PRKG2: variants seen among roughly 807,000 people sequenced by gnomAD.
The protein encoded by PRKG2 is cGMP-dependent protein kinase 2.
A neutral mutation model predicts 97.2 loss-of-function variants in PRKG2; 33 were observed. That is an observed-to-expected ratio of 0.34 (90% CI 0.26 to 0.45). The LOEUF (loss-of-function observed/expected upper bound fraction) is 0.45, where lower values mean the gene tolerates loss of function less well. Ranked by LOEUF, PRKG2 falls within the 20% of genes least tolerant of loss-of-function variation. The pLI is 1.00. For synonymous variants in PRKG2, 330 were observed against 321.8 expected (o/e 1.03, Z -0.27); for missense variants, 638 against 900.0 (o/e 0.71, Z 3.73).
chr4:81,200,703 A>AG (rs1229810047), intron 2 of PRKG2, among the ~76,000 whole-genome samples: 1 of 152,168 alleles, frequency 6.6e-6, no homozygotes, highest in Non-Finnish European at 1.5e-5. Context: ...TTCTCTAGTA[A>AG]GGGGGGTAGC....
chr4:81,171,575 G>T, intron 4 of PRKG2, 116 bp downstream of exon 4: 3 of 686,282 alleles, frequency 4.4e-6, no homozygotes, highest in South Asian at 3.1e-5. Context: ...TCTATTATAA[G>T]AACATATAGG....
At chr4:81,203,084 T>C (rs28371390) in intron 2 of PRKG2, among the ~76,000 whole-genome samples, 11,071 of 151,670 alleles carry the variant, frequency 0.073, 647 homozygotes, top group East Asian at 0.32. Context: ...TATATGTATA[T>C]ATATACATAT....
chr4:81,204,869 T>C lies in PRKG2; in HGVS notation c.179A>G (p.Lys60Arg). The change falls in exon 2 of 19, where the codon AAG becomes AGG. Residue 60 changes from lysine to arginine, a missense_variant. Coordinates refer to ENST00000264399, the MANE Select transcript of PRKG2 (RefSeq NM_006259.3). ...GAGTTCAGCAATGGCCACAGTCTGC[T>C]TCGACAGCTGCTCCCGCAGCTCCTT... is the stretch of plus-strand genomic sequence containing the variant. ...HLKELREQLS[K>R]QTVAIAELTE... 2 of 1,614,224 alleles carry C rather than the reference T, an allele frequency of 1.2e-6. No homozygotes were observed. Among genetic ancestry groups the C allele is most frequent in the Non-Finnish European group, 8.5e-7 (1 of 1,180,044 alleles).
At chr4:81,200,937 G>A (rs1003989296) in intron 2 of PRKG2, among the ~76,000 whole-genome samples, 17 of 152,144 alleles carry the variant, frequency 1.1e-4, no homozygotes, top group African/African-American at 4.1e-4. Context: ...ACAAAGCCAG[G>A]TCCCTACAAA....
At chr4:81,115,520 T>C (rs1350068511) in intron 14 of PRKG2, among the ~76,000 whole-genome samples, 1 of 152,244 alleles carries the variant, frequency 6.6e-6, no homozygotes, top group Admixed American at 6.5e-5. Flanking sequence ...GGAATTTCCA[T>C]TGGAAGTGTA....
At chr4:81,159,571 A>G (rs1749426447) in intron 6 of PRKG2, among the ~76,000 whole-genome samples, 1 of 152,140 alleles carries the variant, frequency 6.6e-6, no homozygotes, top group African/African-American at 2.4e-5. Flanking sequence ...GGGATCTAGA[A>G]CTAGAAATAC....
chr4:81,208,461 T>C (rs552213470), intron 1 of PRKG2, among the ~76,000 whole-genome samples: 4 of 152,332 alleles, frequency 2.6e-5, no homozygotes, highest in Non-Finnish European at 5.9e-5. Flanking sequence ...GGTCTCATTC[T>C]GCAGCCATGA....
intron 14 of PRKG2, among the ~76,000 whole-genome samples, chr4:81,119,192 A>G (rs2109998519): frequency 6.6e-6 from 1 of 152,288 alleles, no homozygotes; most frequent in East Asian, 1.9e-4. Context: ...TGCCATATTC[A>G]TAGTCCTCTA....
chr4:81,102,289 A>C (rs955755136), intron 17 of PRKG2, among the ~76,000 whole-genome samples: 2 of 152,214 alleles, frequency 1.3e-5, no homozygotes, highest in Admixed American at 1.3e-4. Context: ...CCTCAGGTAA[A>C]GAAGTAAAAG....
intron 1 of PRKG2, among the ~76,000 whole-genome samples, chr4:81,209,207 G>T (rs760908769): frequency 6.6e-6 from 1 of 152,206 alleles, no homozygotes; most frequent in Non-Finnish European, 1.5e-5. Flanking sequence ...CTGTGAAGGC[G>T]CTTGCAGGCG....
intron 6 of PRKG2, among the ~76,000 whole-genome samples, chr4:81,165,551 A>C (rs1199673506): frequency 6.7e-6 from 1 of 150,230 alleles, no homozygotes; most frequent in Non-Finnish European, 1.5e-5. Flanking sequence ...CTTAGCGCTA[A>C]ATAGATCCCA....
chr4:81,170,421 T>C (rs1750360945), intron 4 of PRKG2, among the ~76,000 whole-genome samples: 1 of 151,996 alleles, frequency 6.6e-6, no homozygotes, highest in Non-Finnish European at 1.5e-5. Context: ...GAAATTGTGG[T>C]TGTACAATTT....
At chr4:81,152,433 A>G (rs375706680) in intron 7 of PRKG2, among the ~76,000 whole-genome samples, 1 of 152,196 alleles carries the variant, frequency 6.6e-6, no homozygotes, top group East Asian at 1.9e-4. Flanking sequence ...CAAATTAATC[A>G]AAAATAAGGT....
chr4:81,129,419 T>G (rs898787998), intron 14 of PRKG2, among the ~76,000 whole-genome samples: 2 of 152,154 alleles, frequency 1.3e-5, no homozygotes, highest in African/African-American at 4.8e-5. Flanking sequence ...ATCTGTCTAA[T>G]GTTGACAGTG....
At chr4:81,170,265 T>G (rs1195816211) in intron 4 of PRKG2, among the ~76,000 whole-genome samples, 2 of 152,292 alleles carry the variant, frequency 1.3e-5, no homozygotes, top group East Asian at 3.9e-4. Context: ...CTACAGTTAC[T>G]TTTGTGTAAA....
At chr4:81,109,883 G>A (rs898394162) in intron 15 of PRKG2, among the ~76,000 whole-genome samples, 2 of 152,148 alleles carry the variant, frequency 1.3e-5, no homozygotes, top group African/African-American at 4.8e-5. Context: ...CTTTGGGAAT[G>A]ACAATTCAAT....
At chr4:81,100,849 T>G (rs1303219189) in intron 17 of PRKG2, among the ~76,000 whole-genome samples, 1 of 151,990 alleles carries the variant, frequency 6.6e-6, no homozygotes, top group Non-Finnish European at 1.5e-5. Context: ...GAATCTACAA[T>G]GAACTCAAAC....
chr4:81,156,530 A>T (rs1749114536), intron 6 of PRKG2, among the ~76,000 whole-genome samples: 1 of 152,082 alleles, frequency 6.6e-6, no homozygotes, highest in Admixed American at 6.5e-5. Context: ...ACGAGACAGA[A>T]AGTCAACAAG....
In PRKG2 at chr4:81,140,636, T is replaced by C; in HGVS notation, c.1441A>G (p.Met481Val). ...KVKNENVAFA[M>V]KCIRKKHIVD... is the part of the protein sequence containing the mutation. Reference sequence around the variant, plus strand: ...ATGTGCTTCTTCCTTATACACTTCATAGCAAAAGCAACATTCTCATTTTTT... The same window carrying C: ...ATGTGCTTCTTCCTTATACACTTCACAGCAAAAGCAACATTCTCATTTTTT... The change falls in exon 12 of 19, where the codon ATG becomes GTG. Residue 481 changes from methionine (M) to valine (V), a missense_variant. By Grantham distance (21) the Met-to-Val change is conservative (BLOSUM62 1). Coordinates refer to ENST00000264399, the MANE Select transcript of PRKG2 (RefSeq NM_006259.3). The C allele has an allele frequency of 1.2e-6, 2 of 1,610,036 alleles. No individual in the cohort carries two copies. The highest frequency in any genetic ancestry group is 2.2e-5 in the East Asian group (1 of 44,798).
Sources: allele counts gnomAD v4.1 joint callset (sites outside exome capture counted in the v4.1 genomes callset), GRCh38; gene constraint gnomAD v4.1.1; transcripts MANE v1.5; gene names NCBI Gene and HGNC (gene_info 2026-07-23, HGNC 2026-07-21).